CPS1: variants seen among roughly 807,000 people sequenced by gnomAD.
CPS1 encodes the protein carbamoyl-phosphate synthase [ammonia], mitochondrial.
Under a neutral mutation model 174.6 loss-of-function variants are expected in CPS1, and 109 were observed. The ratio of observed to expected loss-of-function variants is 0.62; its 90% CI spans 0.53 to 0.73. CPS1 has a LOEUF of 0.73. Ranked by LOEUF, CPS1 falls within the 30% of genes least tolerant of loss-of-function variation. CPS1 has a pLI of 0.00. For synonymous variants in CPS1, 637 were observed against 632.0 expected (o/e 1.01, Z -0.12); for missense variants, 1,689 against 1,821.9 (o/e 0.93, Z 1.33).
In CPS1 at chr2:210,678,035, A is replaced by C. The variant is rs752897106; in HGVS notation, c.*50A>C. The stretch of plus-strand genomic sequence containing the variant: ...ATTAAATCAACCTGAGCCACATGTT[A>C]TCTAAAGGAACTGATTCACAACTTT... On this transcript the variant is annotated 3_prime_UTR_variant, in exon 38 of 38. Coordinates refer to ENST00000233072, the MANE Select transcript of CPS1 (RefSeq NM_001875.5). 8 of 1,346,370 alleles carry C rather than the reference A, an allele frequency of 5.9e-6. No individual in the cohort carries two copies. The highest frequency in any genetic ancestry group is 8.6e-6 in the Non-Finnish European group (8 of 935,620). The allele number at this position is 1,346,370 out of a possible 1,614,324, so 83.4% of individuals were successfully genotyped here.
chr2:210,605,599 A>G (rs1024315203), intron 17 of CPS1, among the ~76,000 whole-genome samples: 1 of 151,904 alleles, frequency 6.6e-6, no homozygotes, highest in African/African-American at 2.4e-5. Context: ...TAAATGAGAA[A>G]ATAGGCACAA....
At chr2:210,675,915 C>A in intron 36 of CPS1, 75 bp downstream of exon 36, 1 of 792,744 alleles carries the variant, frequency 1.3e-6, no homozygotes, top group Non-Finnish European at 2.3e-6. Flanking sequence ...AATATTTCAC[C>A]TTACTTGATT....
rs140726293 is a variant in CPS1, at chr2:210,612,146, G to A, written c.2421G>A (p.Glu807=). Residue 807 remains glutamate (E), a synonymous_variant, in exon 20 of 38, where the codon GAG becomes GAA. Transcript: ENST00000233072. ...TGGCTATTGGTCGTACCTTTGAGGA[G>A]AGTTTCCAGAAAGCTTTACGGATGT... ...EVMAIGRTFE[E]SFQKALRMCH... The A allele has an allele frequency of 1.4e-4, 232 of 1,612,074 alleles. No homozygotes were observed. The highest frequency in any genetic ancestry group is 5.0e-4 in the Middle Eastern group (3 of 6,048).
chr2:210,609,814 G>T (rs1699048190), intron 19 of CPS1, among the ~76,000 whole-genome samples: 1 of 151,878 alleles, frequency 6.6e-6, no homozygotes, highest in Admixed American at 6.6e-5. Context: ...TTTCAGAAAT[G>T]CATGTCACTA....
At chr2:210,626,211 CTTTA>C (rs1228302243) in intron 21 of CPS1, among the ~76,000 whole-genome samples, 2 of 152,024 alleles carry the variant, frequency 1.3e-5, no homozygotes, top group East Asian at 3.9e-4. Flanking sequence ...GTTTCCAATT[CTTTA>C]TTTACCATAT....
chr2:210,582,476 A>T, intron 5 of CPS1, 141 bp from the exon 6 acceptor site: 1 of 701,698 alleles, frequency 1.4e-6, no homozygotes, highest in Non-Finnish European at 2.6e-6. Context: ...GTTTGAGAAG[A>T]TGAAGATCTT....
intron 1 of CPS1, among the ~76,000 whole-genome samples, chr2:210,569,691 G>GCCAAT (rs1455666747): frequency 6.6e-6 from 1 of 151,884 alleles, no homozygotes; most frequent in African/African-American, 2.4e-5. Flanking sequence ...ATGTCTAAAT[G>GCCAAT]GTCTTATTGG....
intron 17 of CPS1, 39 bp from the exon 18 acceptor site, chr2:210,606,692 A>T: frequency 6.3e-7 from 1 of 1,592,416 alleles, no homozygotes; most frequent in Non-Finnish European, 8.6e-7. Flanking sequence ...TGGTTATTTC[A>T]ATATGCCACC....
At chr2:210,485,419 T>C (rs1694689820) in intron 1 of CPS1, among the ~76,000 whole-genome samples, 2 of 152,100 alleles carry the variant, frequency 1.3e-5, no homozygotes, top group Admixed American at 6.6e-5. Flanking sequence ...TTATAATTCC[T>C]CCTTCCTGTT....
intron 1 of CPS1, among the ~76,000 whole-genome samples, chr2:210,559,325 C>T (rs940872950): frequency 2.0e-5 from 3 of 151,982 alleles, no homozygotes; most frequent in Non-Finnish European, 4.4e-5. Context: ...AATTGGGTTG[C>T]TTTTTCGACA....
intron 7 of CPS1, 111 bp from the exon 8 acceptor site, chr2:210,589,995 C>A: frequency 7.0e-7 from 1 of 1,437,868 alleles, no homozygotes; most frequent in Non-Finnish European, 9.7e-7. Flanking sequence ...TAAATGTTTA[C>A]AAATTTTTCC....
intron 1 of CPS1, among the ~76,000 whole-genome samples, chr2:210,480,492 T>C (rs1303008471): frequency 6.6e-6 from 1 of 152,208 alleles, no homozygotes; most frequent in East Asian, 1.9e-4. Context: ...ATAGTGTCTG[T>C]GGTGTTCCTT....
chr2:210,570,973 T>C (rs1697460693), intron 1 of CPS1, among the ~76,000 whole-genome samples: 1 of 151,974 alleles, frequency 6.6e-6, no homozygotes, highest in African/African-American at 2.4e-5. Context: ...AACTTCTGTC[T>C]TGAATTGTAA....
At chr2:210,662,252 T>C (rs904446874) in intron 32 of CPS1, among the ~76,000 whole-genome samples, 1 of 152,178 alleles carries the variant, frequency 6.6e-6, no homozygotes, top group African/African-American at 2.4e-5. Flanking sequence ...CCTAGTTAGC[T>C]TTGTATATAA....
chr2:210,588,568 T>C (rs899162375), intron 7 of CPS1, among the ~76,000 whole-genome samples: 24 of 152,198 alleles, frequency 1.6e-4, no homozygotes, highest in South Asian at 2.1e-4. Flanking sequence ...TTTCACATTG[T>C]TTTTATATCA....
chr2:210,576,565 G>A, intron 3 of CPS1, 75 bp downstream of exon 3: 6 of 1,542,254 alleles, frequency 3.9e-6, no homozygotes, highest in Non-Finnish European at 5.4e-6. Flanking sequence ...GAATTAGGAT[G>A]GCCAAACTTT....
chr2:210,592,627 A>G (rs536055252), intron 10 of CPS1, among the ~76,000 whole-genome samples: 8 of 152,040 alleles, frequency 5.3e-5, no homozygotes, highest in African/African-American at 1.7e-4. Flanking sequence ...TTATTTATTT[A>G]TTTATTTTAA....
chr2:210,550,561 C>T (rs1696702326), intron 1 of CPS1, among the ~76,000 whole-genome samples: 1 of 151,890 alleles, frequency 6.6e-6, no homozygotes, highest in Admixed American at 6.6e-5. Context: ...GAAGGCATAC[C>T]AATGCCTAGC....
chr2:210,490,886 G>A (rs1461950507), intron 1 of CPS1, among the ~76,000 whole-genome samples: 2 of 152,194 alleles, frequency 1.3e-5, no homozygotes, highest in Non-Finnish European at 2.9e-5. Flanking sequence ...CCTAGGTTGG[G>A]AGTCTAGTTC....
Sources: gnomAD v4.1 joint callset for allele counts (sites outside exome capture counted in the v4.1 genomes callset) on GRCh38, gnomAD v4.1.1 for gene constraint, MANE v1.5 for transcripts, NCBI Gene and HGNC (gene_info 2026-07-23, HGNC 2026-07-21) for gene names.